VPS13B: variants seen among roughly 807,000 people sequenced by gnomAD.
VPS13B encodes intermembrane lipid transfer protein VPS13B.
A neutral mutation model predicts 426.4 loss-of-function variants in VPS13B; 285 were observed. The observed-to-expected ratio is 0.67, with a 90% confidence interval of 0.61 to 0.74. The LOEUF (loss-of-function observed/expected upper bound fraction) is 0.74. Among genes scored for constraint, VPS13B ranks in the 30% least tolerant of loss-of-function variants. The pLI is 0.00. For synonymous variants in VPS13B, 1,676 were observed against 1,676.4 expected (o/e 1.00, Z 0.01); for missense variants, 4,537 against 4,782.6 (o/e 0.95, Z 1.51).
intron 3 of VPS13B, among the ~76,000 whole-genome samples, chr8:99,050,497 G>T (rs893319868): frequency 6.6e-6 from 1 of 152,100 alleles, no homozygotes; most frequent in African/African-American, 2.4e-5. Flanking sequence ...ATAAACATAC[G>T]TGTGCATGTG....
chr8:99,162,477 C>T (rs1187251904), intron 15 of VPS13B, among the ~76,000 whole-genome samples: 3 of 152,170 alleles, frequency 2.0e-5, no homozygotes, highest in Admixed American at 2.0e-4. Context: ...CGGACCCTCG[C>T]GGTGAGTGTT....
intron 50 of VPS13B, among the ~76,000 whole-genome samples, chr8:99,822,030 A>G (rs1044796572): frequency 3.9e-5 from 6 of 152,244 alleles, no homozygotes; most frequent in African/African-American, 1.4e-4. Context: ...TCATTTAAAT[A>G]TAAATGGTAT....
intron 8 of VPS13B, among the ~76,000 whole-genome samples, chr8:99,128,239 T>C (rs1301595933): frequency 1.3e-5 from 2 of 151,308 alleles, no homozygotes; most frequent in Non-Finnish European, 2.9e-5. Flanking sequence ...ATAGAGAAAT[T>C]AGCCTGGTGT....
At chr8:99,398,694 T>C (rs1233641447) in intron 21 of VPS13B, among the ~76,000 whole-genome samples, 2 of 152,198 alleles carry the variant, frequency 1.3e-5, no homozygotes, top group Non-Finnish European at 2.9e-5. Context: ...GATGTGAGAC[T>C]TAACGATCAG....
chr8:99,147,638 T>G (rs1350901438), intron 13 of VPS13B, among the ~76,000 whole-genome samples: 42 of 152,170 alleles, frequency 2.8e-4, no homozygotes. Flanking sequence ...ACTGGTAAAT[T>G]TTTATATAAC....
intron 16 of VPS13B, among the ~76,000 whole-genome samples, chr8:99,189,899 G>A (rs1401652654): frequency 6.6e-6 from 1 of 152,086 alleles, no homozygotes; most frequent in Non-Finnish European, 1.5e-5. Flanking sequence ...GTATGCCTTG[G>A]TGAATGTGTA....
intron 25 of VPS13B, among the ~76,000 whole-genome samples, chr8:99,497,770 A>G (rs1027304094): frequency 6.6e-6 from 1 of 152,078 alleles, no homozygotes; most frequent in Admixed American, 6.5e-5. Flanking sequence ...TATGCAAACA[A>G]CCGTTTAGAT....
At position 99,669,611 on chromosome 8, in the gene VPS13B, T is replaced by C. The variant is rs2122340; in HGVS notation, c.6046+8120T>C. 9.0e-3 allele frequency among the ~76,000 whole-genome samples: 1,370 copies of C among 152,258 alleles called. 26 individuals are homozygous for C. Among genetic ancestry groups the C allele is most frequent in the African/African-American group, 0.032 (1,312 of 41,552 alleles). On this transcript the variant is annotated intron_variant, in intron 35 of 61. Transcript: ENST00000357162. ...CACATTTCTTTTAGTGTAGTATATA[T>C]GGTGTCTATATTTGAAATGCATGGC...
At chr8:99,703,184 AT>A (rs1350721253) in intron 36 of VPS13B, among the ~76,000 whole-genome samples, 18 of 152,188 alleles carry the variant, frequency 1.2e-4, no homozygotes, top group Non-Finnish European at 2.1e-4. Flanking sequence ...AGTTAAAGGA[AT>A]TCCTCTTATT....
In VPS13B at chr8:99,832,493, C is replaced by T. The variant is rs1815134117; in HGVS notation, c.9455C>T (p.Ala3152Val). ...MPDISQSVLD[A>V]SLLQKQIMLG... ...GACATCAGTCAGTCAGTACTGGATG[C>T]ATCCCTGCTTCAGAAACAGATCATG... is the stretch of plus-strand genomic sequence containing the variant. Residue 3152 changes from alanine (A) to valine (V), a missense_variant, in exon 52 of 62, where the codon GCA becomes GTA. Transcript: ENST00000357162. The T allele has an allele frequency of 6.2e-7, 1 of 1,613,588 alleles. No homozygotes were observed. The highest frequency in any genetic ancestry group is 8.5e-7 in the Non-Finnish European group (1 of 1,179,952).
chr8:99,704,936 T>G (rs898726999), intron 36 of VPS13B, among the ~76,000 whole-genome samples: 1 of 152,124 alleles, frequency 6.6e-6, no homozygotes, highest in African/African-American at 2.4e-5. Context: ...AGCAGAAGAA[T>G]TCTAATGCCT....
At chr8:99,790,654 T>C (rs1341506008) in intron 43 of VPS13B, among the ~76,000 whole-genome samples, 1 of 152,134 alleles carries the variant, frequency 6.6e-6, no homozygotes, top group Non-Finnish European at 1.5e-5. Context: ...AAAGTCTTAA[T>C]GGGAACCCAA....
chr8:99,262,367 C>T (rs1305034402), intron 17 of VPS13B, among the ~76,000 whole-genome samples: 2 of 152,058 alleles, frequency 1.3e-5, no homozygotes, highest in African/African-American at 4.8e-5. Flanking sequence ...GTACCTCTAC[C>T]TTTTTAAGTG....
intron 44 of VPS13B, among the ~76,000 whole-genome samples, chr8:99,816,037 G>T (rs1814014235): frequency 6.6e-6 from 1 of 151,392 alleles, no homozygotes; most frequent in East Asian, 1.9e-4. Context: ...TTGCCATGTT[G>T]CCCAGGCTAG....
chr8:99,552,577 G>GT (rs200586050), intron 30 of VPS13B, among the ~76,000 whole-genome samples: 1,518 of 139,418 alleles, frequency 0.011, 6 homozygotes, highest in African/African-American at 0.017. Flanking sequence ...TTTTTATTTT[G>GT]TTTTTTTTTT....
chr8:99,715,889 A>G (rs1046336430), intron 36 of VPS13B, among the ~76,000 whole-genome samples: 4 of 152,172 alleles, frequency 2.6e-5, no homozygotes, highest in African/African-American at 9.6e-5. Flanking sequence ...AAGTCAGAAA[A>G]TTATGGCTTC....
At chr8:99,057,069 G>A (rs980067523) in intron 3 of VPS13B, among the ~76,000 whole-genome samples, 1 of 150,190 alleles carries the variant, frequency 6.7e-6, no homozygotes, top group Non-Finnish European at 1.5e-5. Flanking sequence ...CATTGATCTT[G>A]TGTCCTGTGA....
At chr8:99,577,724 T>G (rs1435584724) in intron 33 of VPS13B, 91 bp downstream of exon 33, 1 of 1,440,162 alleles carries the variant, frequency 6.9e-7, no homozygotes, top group Non-Finnish European at 9.7e-7. Context: ...GACTGCTTTC[T>G]GCTTAATTAT....
intron 19 of VPS13B, among the ~76,000 whole-genome samples, chr8:99,281,645 C>G (rs908031448): frequency 2.0e-5 from 3 of 152,156 alleles, no homozygotes; most frequent in African/African-American, 7.2e-5. Flanking sequence ...GGTGTTGCTC[C>G]CTGTGCGATA....
Sources: allele counts gnomAD v4.1 joint callset (sites outside exome capture counted in the v4.1 genomes callset), GRCh38; gene constraint gnomAD v4.1.1; transcripts MANE v1.5; gene names NCBI Gene and HGNC (gene_info 2026-07-23, HGNC 2026-07-21).